The following OLFML1 variants were observed in gnomAD, a reference collection of about 807,000 sequenced individuals.
OLFML1 encodes the protein olfactomedin like 1, also known as olfactomedin-like protein 1.
A neutral mutation model predicts 37.3 loss-of-function variants in OLFML1; 33 were observed. That is an observed-to-expected ratio of 0.88 (90% CI 0.67 to 1.18). The LOEUF (loss-of-function observed/expected upper bound fraction) is 1.18. OLFML1 is among the 50% of genes most tolerant of loss of function. The pLI, the probability that OLFML1 is intolerant of heterozygous loss-of-function variation, is 0.00. For missense variants in OLFML1, 545 were observed against 483.7 expected (o/e 1.13, Z -1.19); for synonymous variants, 186 against 181.3 (o/e 1.03, Z -0.21).
chr11:7,493,461 T>C (rs1222709498), intron 2 of OLFML1, among the ~76,000 whole-genome samples: 1 of 152,260 alleles, frequency 6.6e-6, no homozygotes, highest in Non-Finnish European at 1.5e-5. Flanking sequence ...CAGATGTGTT[T>C]ACCACAAAAG....
chr11:7,510,251 T>G lies in OLFML1; in HGVS notation c.*63T>G. 1 of 1,307,950 alleles carries G rather than the reference T, an allele frequency of 7.6e-7. No individual in the cohort carries two copies. Among genetic ancestry groups the G allele is most frequent in the Non-Finnish European group, 1.0e-6 (1 of 954,486 alleles). The allele number at this position is 1,307,950 out of a possible 1,614,324, so 81.0% of individuals were successfully genotyped here. A position where few individuals can be genotyped will look rare whatever the true frequency, so the allele number is the denominator to read the frequency against. ...CAGCTGTTCTACAGGACAGTGAGGC[T>G]ATAGCCCCTTCACAATATAGTATCC... On this transcript the variant is annotated 3_prime_UTR_variant, in exon 3 of 3. Coordinates refer to ENST00000329293, the MANE Select transcript of OLFML1 (RefSeq NM_198474.4).
intron 2 of OLFML1, among the ~76,000 whole-genome samples, chr11:7,503,792 A>C (rs1425947533): frequency 2.6e-5 from 4 of 152,194 alleles, no homozygotes; most frequent in Non-Finnish European, 5.9e-5. Flanking sequence ...CCACTGCAAA[A>C]GTAAAGGACA....
At position 7,485,954 on chromosome 11, in the gene OLFML1, C is replaced by CA. The variant is rs1283410475; in HGVS notation, c.80dup (p.Asp28GlyfsTer53). Reference sequence around the variant, plus strand: ...TTTTCTGCCCCCGCCGCAGTGTACCCAGGACCCAGCCATGGTGCATTACAT... The same window carrying CA: ...TTTTCTGCCCCCGCCGCAGTGTACCCAAGGACCCAGCCATGGTGCATTACAT... On this transcript the variant is annotated frameshift_variant, in exon 1 of 3. Coordinates refer to ENST00000329293, the MANE Select transcript of OLFML1 (RefSeq NM_198474.4). LOFTEE classifies it high-confidence loss of function. 6.2e-7 allele frequency: 1 copy of CA among 1,613,926 alleles called. No individual in the cohort carries two copies. The highest frequency in any genetic ancestry group is 8.5e-7 in the Non-Finnish European group (1 of 1,179,968).
chr11:7,500,449 C>T (rs1848707033), intron 2 of OLFML1, among the ~76,000 whole-genome samples: 1 of 152,150 alleles, frequency 6.6e-6, no homozygotes, highest in South Asian at 2.1e-4. Flanking sequence ...ATACACGTCA[C>T]CATGCCCTTG....
chr11:7,497,691 T>C (rs754807815), intron 2 of OLFML1, among the ~76,000 whole-genome samples: 3 of 152,192 alleles, frequency 2.0e-5, no homozygotes, highest in Non-Finnish European at 2.9e-5. Context: ...TTTATTGCTA[T>C]TATCAATAAA....
intron 2 of OLFML1, among the ~76,000 whole-genome samples, chr11:7,495,335 C>A (rs1317544100): frequency 4.6e-5 from 7 of 151,930 alleles, no homozygotes; most frequent in Admixed American, 4.6e-4. Context: ...GGTAAAGCAA[C>A]CCCCCCAAAA....
chr11:7,493,683 T>C (rs1848629578), intron 2 of OLFML1, among the ~76,000 whole-genome samples: 1 of 152,264 alleles, frequency 6.6e-6, no homozygotes, highest in Admixed American at 6.5e-5. Context: ...TACATAGCAC[T>C]TCTTTTGTTT....
chr11:7,506,490 G>A (rs902124035), intron 2 of OLFML1, among the ~76,000 whole-genome samples: 4 of 152,184 alleles, frequency 2.6e-5, no homozygotes, highest in Non-Finnish European at 4.4e-5. Flanking sequence ...TGTTGGTGAA[G>A]GGACTGGCCA....
At chr11:7,490,801 T>C (rs1048730739) in intron 2 of OLFML1, among the ~76,000 whole-genome samples, 1 of 152,142 alleles carries the variant, frequency 6.6e-6, no homozygotes, top group Non-Finnish European at 1.5e-5. Flanking sequence ...GAGGACTGAG[T>C]AGGACATGTC....
At chr11:7,505,925 T>A (rs1295499983) in intron 2 of OLFML1, among the ~76,000 whole-genome samples, 3 of 152,218 alleles carry the variant, frequency 2.0e-5, no homozygotes, top group Non-Finnish European at 2.9e-5. Context: ...CATATCAATC[T>A]TCAAGGAGGA....
intron 1 of OLFML1, among the ~76,000 whole-genome samples, chr11:7,487,577 G>A (rs1848539353): frequency 6.6e-6 from 1 of 152,210 alleles, no homozygotes; most frequent in African/African-American, 2.4e-5. Context: ...TGTGCCAAGT[G>A]CTAGGGACGG....
chr11:7,504,051 C>T (rs1428716199), intron 2 of OLFML1, among the ~76,000 whole-genome samples: 4 of 151,968 alleles, frequency 2.6e-5, no homozygotes, highest in Non-Finnish European at 5.9e-5. Flanking sequence ...ATAATAAGCA[C>T]TATGGAGAAA....
intron 2 of OLFML1, among the ~76,000 whole-genome samples, chr11:7,498,679 T>C (rs531629732): frequency 1.7e-4 from 26 of 152,340 alleles, no homozygotes; most frequent in African/African-American, 6.3e-4. Context: ...TCAAGTTTTA[T>C]AACACCATTT....
At chr11:7,491,788 T>C (rs970999743) in intron 2 of OLFML1, among the ~76,000 whole-genome samples, 2 of 112,750 alleles carry the variant, frequency 1.8e-5, no homozygotes, top group Non-Finnish European at 1.9e-5. Flanking sequence ...CTGGTACTTG[T>C]AGGGCTGGGA....
At chr11:7,493,719 T>C (rs1311380158) in intron 2 of OLFML1, among the ~76,000 whole-genome samples, 5 of 152,270 alleles carry the variant, frequency 3.3e-5, no homozygotes, top group African/African-American at 9.6e-5. Context: ...CTGTGGGCTA[T>C]GAGGATACCT....
intron 2 of OLFML1, among the ~76,000 whole-genome samples, chr11:7,496,048 G>A (rs2134180133): frequency 6.6e-6 from 1 of 152,318 alleles, no homozygotes; most frequent in Middle Eastern, 3.4e-3. Context: ...TCATTTCTCA[G>A]GGGTCCATAG....
rs925129785 is a variant in OLFML1 at position 7,510,135 on chromosome 11, G to C, written c.1156G>C (p.Gly386Arg). ...TAAGCAGCTCTATGCCTGGAATGAA[G>C]GAAACCAGATCATTTACAAACTCCA... ...RDKQLYAWNE[G>R]NQIIYKLQTK... The change falls in exon 3 of 3, where the codon GGA becomes CGA. Residue 386 changes from glycine (G) to arginine (R), a missense_variant. Gly to Arg is a moderately radical substitution (Grantham distance 125, BLOSUM62 -2). Coordinates refer to ENST00000329293, the MANE Select transcript of OLFML1 (RefSeq NM_198474.4). The C allele has an allele frequency of 1.4e-5, 22 of 1,613,398 alleles. No individual in the cohort carries two copies. Among genetic ancestry groups the C allele is most frequent in the Non-Finnish European group, 1.8e-5 (21 of 1,180,022 alleles).
intron 2 of OLFML1, among the ~76,000 whole-genome samples, chr11:7,498,355 G>T (rs1375140585): frequency 6.6e-6 from 1 of 152,204 alleles, no homozygotes; most frequent in East Asian, 1.9e-4. Flanking sequence ...TCTAAAACTT[G>T]CGGGAAGCCA....
chr11:7,494,761 T>C (rs769458503), intron 2 of OLFML1, among the ~76,000 whole-genome samples: 5 of 152,158 alleles, frequency 3.3e-5, no homozygotes, highest in African/African-American at 4.8e-5. Context: ...GGGAGGCACA[T>C]GAGGTAGGAG....
Sources: gnomAD v4.1 joint callset for allele counts (sites outside exome capture counted in the v4.1 genomes callset) on GRCh38, gnomAD v4.1.1 for gene constraint, MANE v1.5 for transcripts, NCBI Gene and HGNC (gene_info 2026-07-23, HGNC 2026-07-21) for gene names.